FNBP1: variants seen among roughly 807,000 people sequenced by gnomAD.
FNBP1 encodes the protein formin binding protein 1.
In FNBP1, 26 loss-of-function variants were observed where a neutral mutation model predicts 90.6. That is an observed-to-expected ratio of 0.29 (90% CI 0.21 to 0.40). FNBP1 has a LOEUF of 0.40. Among genes scored for constraint, FNBP1 ranks in the 10% least tolerant of loss-of-function variants. The probability of loss-of-function intolerance (pLI) is 1.00; values close to 1 mark genes in which losing one functional copy is unlikely to be tolerated. For synonymous variants in FNBP1, 260 were observed against 265.2 expected, an observed-to-expected ratio of 0.98 and a Z score of 0.19; for missense variants, 635 against 768.0, an observed-to-expected ratio of 0.83 and a Z score of 2.05.
chr9:129,948,550 T>C (rs1446763988), intron 6 of FNBP1, among the ~76,000 whole-genome samples: 1 of 150,076 alleles, frequency 6.7e-6, no homozygotes, highest in Non-Finnish European at 1.5e-5. Context: ...ATTTTTGGTA[T>C]TTTTTTTTCA....
At chr9:129,953,945 C>G (rs182374713) in intron 6 of FNBP1, among the ~76,000 whole-genome samples, 1 of 151,718 alleles carries the variant, frequency 6.6e-6, no homozygotes, top group South Asian at 2.1e-4. Flanking sequence ...TGGTTCATGC[C>G]CATAATCCTA....
intron 1 of FNBP1, among the ~76,000 whole-genome samples, chr9:130,018,139 C>T (rs921599259): frequency 6.6e-6 from 1 of 151,514 alleles, no homozygotes; most frequent in African/African-American, 2.4e-5. Flanking sequence ...TGGTCTCGAT[C>T]TCCTGACCTT....
intron 2 of FNBP1, among the ~76,000 whole-genome samples, chr9:129,994,574 A>G (rs1159556757): frequency 6.6e-6 from 1 of 152,204 alleles, no homozygotes; most frequent in Non-Finnish European, 1.5e-5. Context: ...ATATTTCAAT[A>G]AAAAGTTTAC....
At position 129,924,026 on chromosome 9, in the gene FNBP1, G is replaced by A. The variant is rs1264547333; in HGVS notation, c.988C>T (p.Leu330Phe). 3 of 1,510,570 alleles carry A rather than the reference G, an allele frequency of 2.0e-6. No homozygotes were observed. Among genetic ancestry groups the A allele is most frequent in the Non-Finnish European group, 8.8e-7 (1 of 1,133,240 alleles). The allele number at this position is 1,510,570 out of a possible 1,614,324, so 93.6% of individuals were successfully genotyped here. Residue 330 changes from leucine to phenylalanine, a missense_variant and splice_region_variant, in exon 10 of 17, where the codon CTT (leucine) becomes TTT (phenylalanine). Coordinates refer to ENST00000446176, the MANE Select transcript of FNBP1 (RefSeq NM_015033.3). ...KLWPFIKKNK[L>F]MSLLTSPHQP... ...TGGGGGGATGTTAAAAGGGACATAA[G>A]CTACATGTAAGAGATGGAGCCGTGA...
intron 2 of FNBP1, among the ~76,000 whole-genome samples, chr9:129,985,593 G>A (rs558473015): frequency 6.6e-6 from 1 of 151,996 alleles, no homozygotes; most frequent in East Asian, 1.9e-4. Context: ...AGGTGGGCAG[G>A]TCAACTGGGG....
At chr9:130,049,699 T>A in the FNBP1 span, among the ~76,000 whole-genome samples, 7 of 148,616 alleles carry the variant, frequency 4.7e-5, no homozygotes, top group Non-Finnish European at 7.5e-5. Context: ...AGACTCTGTC[T>A]CAAAAAAAAA....
upstream of FNBP1, among the ~76,000 whole-genome samples, chr9:130,047,668 T>G (rs147656133): frequency 0.012 from 1,767 of 151,402 alleles, 22 homozygotes; most frequent in Non-Finnish European, 0.018. Flanking sequence ...TTTTTCCTAC[T>G]CTCAGTGGGG....
chr9:129,896,486 C>T (rs377649535), intron 15 of FNBP1, among the ~76,000 whole-genome samples: 2 of 152,074 alleles, frequency 1.3e-5, no homozygotes, highest in Non-Finnish European at 2.9e-5. Flanking sequence ...CCGGTTCAAG[C>T]GATTCTCCTG....
At chr9:129,969,250 A>G (rs942427330) in intron 4 of FNBP1, among the ~76,000 whole-genome samples, 2 of 152,202 alleles carry the variant, frequency 1.3e-5, no homozygotes, top group African/African-American at 4.8e-5. Context: ...TGATAATTCT[A>G]TCTGTAATTC....
At chr9:129,968,766 T>C (rs2048998209) in intron 4 of FNBP1, among the ~76,000 whole-genome samples, 1 of 152,212 alleles carries the variant, frequency 6.6e-6, no homozygotes, top group Non-Finnish European at 1.5e-5. Flanking sequence ...ATAAACATTT[T>C]AGTGAGTCAC....
At chr9:129,993,523 C>T (rs1305021117) in intron 2 of FNBP1, among the ~76,000 whole-genome samples, 3 of 151,140 alleles carry the variant, frequency 2.0e-5, no homozygotes, top group Non-Finnish European at 4.4e-5. Context: ...CTATGTTGCC[C>T]AGGCTGGTCT....
At chr9:129,989,548 A>G (rs1375577407) in intron 2 of FNBP1, among the ~76,000 whole-genome samples, 6 of 152,074 alleles carry the variant, frequency 3.9e-5, no homozygotes, top group Admixed American at 3.9e-4. Flanking sequence ...AGTGAGCACA[A>G]CCCAAAGATC....
At position 129,890,243 on chromosome 9, in the gene FNBP1, TA is replaced by T; in HGVS notation, c.*295del. 2.0e-6 allele frequency: 1 copy of T among 497,378 alleles called. No individual in the cohort carries two copies. The highest frequency in any genetic ancestry group is 3.7e-5 in the Admixed American group (1 of 26,922). The allele number at this position is 497,378 out of a possible 1,614,324, so 30.8% of individuals were successfully genotyped here. On this transcript the variant is annotated 3_prime_UTR_variant, in exon 17 of 17. Transcript: ENST00000446176. The surrounding 1 kb of genome is among the most constrained non-coding windows in gnomAD (Gnocchi z 5.8). The stretch of plus-strand genomic sequence containing the variant: ...GACTGAGGGCCCAGGAAGGAGCAGG[TA>T]GGGGCGTGTGTCCCACCGTCTCAGT...
Position 129,888,222 on chromosome 9 carries a change from T to C in FNBP1, c.*2317A>G, listed in dbSNP as rs1392820755. 2 of 232,818 alleles carry C rather than the reference T, an allele frequency of 8.6e-6. No individual in the cohort carries two copies. Among genetic ancestry groups the C allele is most frequent in the East Asian group, 1.2e-4 (2 of 16,522 alleles). The allele number at this position is 232,818 out of a possible 1,614,324, so 14.4% of individuals were successfully genotyped here. On this transcript the variant is annotated 3_prime_UTR_variant, in exon 17 of 17. Coordinates refer to ENST00000446176, the MANE Select transcript of FNBP1 (RefSeq NM_015033.3). ...TTTCCACTATGTTGCAAGAAATGAA[T>C]CTATCCTGACCCATAATATGAAAGA...
intron 4 of FNBP1, among the ~76,000 whole-genome samples, chr9:129,968,571 G>A (rs1042067961): frequency 2.0e-5 from 3 of 152,020 alleles, no homozygotes; most frequent in Admixed American, 1.3e-4. Context: ...TGCAGAACTG[G>A]CTTATAGGAA....
intron 16 of FNBP1, among the ~76,000 whole-genome samples, chr9:129,893,637 A>AAAAAAAAAAAAAAAAAAAAAAAG (rs56397008): frequency 1.9e-4 from 12 of 62,242 alleles, no homozygotes; most frequent in East Asian, 6.0e-4. Flanking sequence ...AAAAAAAAAA[A>AAAAAAAAAAAAAAAAAAAAAAAG]GCCAGGCACG....
chr9:130,040,688 G>A (rs1301950514), intron 1 of FNBP1, among the ~76,000 whole-genome samples: 1 of 150,448 alleles, frequency 6.6e-6, no homozygotes, highest in Non-Finnish European at 1.5e-5. Flanking sequence ...TGCATATATA[G>A]AACTGTTAAC....
At chr9:129,972,440 A>G (rs1438144625) in intron 4 of FNBP1, among the ~76,000 whole-genome samples, 1 of 151,514 alleles carries the variant, frequency 6.6e-6, no homozygotes, top group Non-Finnish European at 1.5e-5. Context: ...GCCTGGCCCA[A>G]TTACACATTT....
intron 1 of FNBP1, among the ~76,000 whole-genome samples, chr9:130,034,679 G>C (rs145739915): frequency 6.6e-6 from 1 of 152,154 alleles, no homozygotes; most frequent in African/African-American, 2.4e-5. Context: ...GCTTGAGTAC[G>C]AGCTTCATTC....
Sources: gnomAD v4.1 joint callset for allele counts (sites outside exome capture counted in the v4.1 genomes callset) on GRCh38, gnomAD v4.1.1 for gene constraint, Gnocchi (gnomAD v3.1) non-coding constraint, MANE v1.5 for transcripts, NCBI Gene and HGNC (gene_info 2026-07-23, HGNC 2026-07-21) for gene names.